Variants in DYNC1I1 observed in about 807,000 individuals in gnomAD.
The protein encoded by DYNC1I1 is cytoplasmic dynein 1 intermediate chain 1.
Under a neutral mutation model 86.6 loss-of-function variants are expected in DYNC1I1, and 43 were observed. That is an observed-to-expected ratio of 0.50 (90% confidence interval 0.39 to 0.64). The LOEUF (loss-of-function observed/expected upper bound fraction) is 0.64. Ranked by LOEUF, DYNC1I1 falls within the 30% of genes least tolerant of loss-of-function variation. The pLI is 0.00. For synonymous variants in DYNC1I1, 262 were observed against 283.7 expected, an observed-to-expected ratio of 0.92 and a Z score of 0.77; for missense variants, 604 against 788.8, an observed-to-expected ratio of 0.77 and a Z score of 2.81.
rs192420504 is a variant in DYNC1I1, at chr7:96,046,748, C to T, written c.1509+7327C>T. Among the ~76,000 whole-genome samples the T allele has an allele frequency of 8.5e-5, 13 of 152,250 alleles. No homozygotes were observed. The East Asian group carries it at 2.5e-3, about 29-fold the overall frequency. On this transcript the variant is annotated intron_variant, in intron 14 of 16. Transcript: ENST00000447467. ...CAACCAGATGCAGTGACCAGCAGAC[C>T]TGATTTGAGAGGGGAGTCAGTGATG...
intron 10 of DYNC1I1, among the ~76,000 whole-genome samples, chr7:96,001,557 A>G (rs1794012610): frequency 6.6e-6 from 1 of 152,212 alleles, no homozygotes. Context: ...GGCAGCAAAT[A>G]CTGAGCTAAA....
intron 15 of DYNC1I1, 127 bp downstream of exon 15, chr7:96,076,324 C>T (rs1790339166): frequency 3.7e-6 from 5 of 1,360,934 alleles, no homozygotes; most frequent in Non-Finnish European, 2.9e-6. Flanking sequence ...GCAGGGCTGC[C>T]GGCCCCCATT....
At chr7:95,777,957 A>T (rs1036004450) in intron 1 of DYNC1I1, among the ~76,000 whole-genome samples, 1 of 152,224 alleles carries the variant, frequency 6.6e-6, no homozygotes, top group African/African-American at 2.4e-5. Context: ...ATAGAATCAC[A>T]ATTAATGTGA....
intron 1 of DYNC1I1, among the ~76,000 whole-genome samples, chr7:95,776,000 C>T (rs1793830662): frequency 6.6e-6 from 1 of 152,152 alleles, no homozygotes; most frequent in Non-Finnish European, 1.5e-5. Context: ...AATCTCAGCA[C>T]TTTGGGAAGC....
downstream of DYNC1I1, among the ~76,000 whole-genome samples, chr7:96,102,626 T>G (rs1167551800): frequency 6.6e-6 from 1 of 152,104 alleles, no homozygotes; most frequent in Non-Finnish European, 1.5e-5. Flanking sequence ...CAACTTTGGG[T>G]GAGGCTCAGA....
At chr7:95,780,938 T>C (rs1793976437) in intron 1 of DYNC1I1, among the ~76,000 whole-genome samples, 1 of 152,094 alleles carries the variant, frequency 6.6e-6, no homozygotes, top group Non-Finnish European at 1.5e-5. Flanking sequence ...CATCTGCCCG[T>C]TAGTATCAAT....
chr7:95,790,096 GT>G (rs752942151), intron 1 of DYNC1I1, among the ~76,000 whole-genome samples: 2 of 152,182 alleles, frequency 1.3e-5, no homozygotes, highest in Non-Finnish European at 2.9e-5. Flanking sequence ...AGATCCTTCT[GT>G]GTTTCCCTTC....
intron 6 of DYNC1I1, among the ~76,000 whole-genome samples, chr7:95,904,354 G>A (rs1339544446): frequency 2.6e-5 from 4 of 152,114 alleles, no homozygotes; most frequent in Non-Finnish European, 5.9e-5. Context: ...ATGGACAGAA[G>A]GAGATGCACC....
chr7:95,954,815 C>T (rs982096943), intron 6 of DYNC1I1, among the ~76,000 whole-genome samples: 6 of 146,918 alleles, frequency 4.1e-5, no homozygotes, highest in African/African-American at 1.5e-4. Flanking sequence ...ACTCAGGAGG[C>T]TGAGGCAGGA....
In DYNC1I1 at chr7:95,792,502, C is replaced by T. The variant is rs1794330542; in HGVS notation, c.-9-12219C>T. Among the ~76,000 whole-genome samples, 4 of 152,142 alleles carry T rather than the reference C, an allele frequency of 2.6e-5. No homozygotes were observed. In the South Asian group the frequency reaches 6.2e-4, roughly 24 times the overall value. On this transcript the variant is annotated intron_variant, in intron 1 of 16. Coordinates refer to ENST00000447467, the MANE Select transcript of DYNC1I1 (RefSeq NM_001135556.2). ...ATGAAGAGGCCAGGCTATGCTTCCCCTAGTTGCTACTCTTAGATAATACTT... is the reference window on the plus strand; with the variant it reads ...ATGAAGAGGCCAGGCTATGCTTCCCTTAGTTGCTACTCTTAGATAATACTT...
In DYNC1I1 at chr7:95,846,621, C is replaced by CTGTGTGTGTG. The variant is rs750813234; in HGVS notation, c.374+18506_374+18507insGTGTGTGTGT. 7.3e-3 allele frequency among the ~76,000 whole-genome samples: 877 copies of CTGTGTGTGTG among 120,204 alleles called. 13 individuals carry two copies. The highest frequency in any genetic ancestry group is 0.018 in the East Asian group (73 of 4,008). The allele number at this position is 120,204 out of a possible 152,430, so 78.9% of individuals were successfully genotyped here. On this transcript the variant is annotated intron_variant, in intron 5 of 16. Coordinates refer to ENST00000447467, the MANE Select transcript of DYNC1I1 (RefSeq NM_001135556.2). Reference sequence around the variant, plus strand: ...CATTCTGAACATAAATGATAAATCTCTCTCTCTGTGTGTGTGTGTGTGTGT... The same window carrying CTGTGTGTGTG: ...CATTCTGAACATAAATGATAAATCTCTGTGTGTGTGTCTCTCTGTGTGTGTGTGTGTGTGT...
intron 10 of DYNC1I1, among the ~76,000 whole-genome samples, chr7:96,014,831 C>T (rs1794364601): frequency 6.6e-6 from 1 of 152,160 alleles, no homozygotes; most frequent in Admixed American, 6.5e-5. Flanking sequence ...CCAAACACAA[C>T]TGAGTTAGAT....
chr7:96,049,860 C>T (rs1266296984), intron 14 of DYNC1I1, among the ~76,000 whole-genome samples: 1 of 151,818 alleles, frequency 6.6e-6, no homozygotes, highest in Non-Finnish European at 1.5e-5. Flanking sequence ...GGTGAAACCC[C>T]GTCCCTACTA....
intron 10 of DYNC1I1, among the ~76,000 whole-genome samples, chr7:96,006,045 A>C (rs1473843165): frequency 6.6e-6 from 1 of 152,204 alleles, no homozygotes; most frequent in South Asian, 2.1e-4. Flanking sequence ...AAGAGTAGGA[A>C]GGTCCCTGTC....
chr7:95,886,607 C>T (rs1790600002), intron 6 of DYNC1I1, among the ~76,000 whole-genome samples: 1 of 152,186 alleles, frequency 6.6e-6, no homozygotes, highest in African/African-American at 2.4e-5. Flanking sequence ...TCAAACCAGA[C>T]AGCCAATCTC....
At chr7:95,955,589 T>C (rs938767945) in intron 6 of DYNC1I1, among the ~76,000 whole-genome samples, 2 of 152,088 alleles carry the variant, frequency 1.3e-5, no homozygotes, top group African/African-American at 4.8e-5. Context: ...GCCTCCTAAG[T>C]GGTGGCAATT....
chr7:95,777,911 T>C (rs367925056), intron 1 of DYNC1I1, among the ~76,000 whole-genome samples: 80 of 152,302 alleles, frequency 5.3e-4, no homozygotes, highest in African/African-American at 1.9e-3. Flanking sequence ...CCTCCACACA[T>C]TTAAGGTTAC....
At chr7:96,040,139 C>A in intron 14 of DYNC1I1, among the ~76,000 whole-genome samples, 1 of 151,970 alleles carries the variant, frequency 6.6e-6, no homozygotes, top group East Asian at 1.9e-4. Context: ...GAGGCTGAGG[C>A]AGGAGAATCA....
At chr7:95,895,896 A>C (rs965798026) in intron 6 of DYNC1I1, among the ~76,000 whole-genome samples, 1 of 152,242 alleles carries the variant, frequency 6.6e-6, no homozygotes, top group African/African-American at 2.4e-5. Context: ...GGCTGAGTGA[A>C]AGCGGGGCCT....
Sources: allele counts gnomAD v4.1 joint callset (sites outside exome capture counted in the v4.1 genomes callset), GRCh38; gene constraint gnomAD v4.1.1; transcripts MANE v1.5; gene names NCBI Gene and HGNC (gene_info 2026-07-23, HGNC 2026-07-21).